Variants in ANKRD36C observed in about 807,000 individuals in gnomAD.
ANKRD36C encodes the protein ankyrin repeat domain-containing protein 36C.
ANKRD36C carries 61 observed loss-of-function variants against 276.4 expected under a neutral mutation model. That is an observed-to-expected ratio of 0.22 (90% CI 0.18 to 0.27). ANKRD36C has a LOEUF of 0.27. Among genes scored for constraint, ANKRD36C ranks in the 10% least tolerant of loss-of-function variants. The pLI is 1.00. For synonymous variants in ANKRD36C, 483 were observed against 680.1 expected (o/e 0.71, Z 4.51); for missense variants, 1,447 against 2,032.3 (o/e 0.71, Z 5.54).
intron 6 of ANKRD36C, among the ~76,000 whole-genome samples, chr2:95,974,904 T>C (rs1163541729): frequency 2.0e-5 from 3 of 149,992 alleles, no homozygotes; most frequent in East Asian, 2.0e-4. Flanking sequence ...ACATGTGGTG[T>C]TTGGTTTTTT....
chr2:95,979,944 A>G (rs1336301115), intron 5 of ANKRD36C, among the ~76,000 whole-genome samples: 2 of 152,036 alleles, frequency 1.3e-5, no homozygotes, highest in Non-Finnish European at 2.9e-5. Context: ...TGTTTTGGAA[A>G]CAATGGCTGA....
intron 12 of ANKRD36C, among the ~76,000 whole-genome samples, chr2:95,958,064 T>C (rs1473858084): frequency 6.6e-6 from 1 of 152,264 alleles, no homozygotes; most frequent in East Asian, 1.9e-4. Flanking sequence ...TCCCTCAGGT[T>C]TCCTCAGCAG....
At chr2:95,941,587 T>A (rs187081387) in intron 19 of ANKRD36C, among the ~76,000 whole-genome samples, 1 of 152,342 alleles carries the variant, frequency 6.6e-6, no homozygotes, top group African/African-American at 2.4e-5. Context: ...TGAAACAGCA[T>A]AGCCAATAAG....
intron 50 of ANKRD36C, 89 bp downstream of exon 70, chr2:95,887,836 T>A: frequency 6.7e-7 from 1 of 1,481,644 alleles, no homozygotes; most frequent in South Asian, 1.2e-5. Flanking sequence ...ATGTGCAGTT[T>A]TGATGAGCCC....
intron 62 of ANKRD36C, among the ~76,000 whole-genome samples, chr2:95,857,074 A>G (rs1043145784): frequency 1.3e-5 from 2 of 152,154 alleles, no homozygotes; most frequent in African/African-American, 2.4e-5. Context: ...AATACTAACA[A>G]TATCATTAAG....
At position 95,858,561 on chromosome 2, in the gene ANKRD36C, G is replaced by C. The variant is rs1045272787; in HGVS notation, c.3897-1069C>G. 1.0e-3 allele frequency among the ~76,000 whole-genome samples: 159 copies of C among 152,188 alleles called. 1 individual carries two copies. The highest frequency in any genetic ancestry group is 1.8e-3 in the Non-Finnish European group (122 of 67,998). ...TCACACAGTAATTACTCCTCAATTA[G>C]GATGAATCATTTAGAGTTAATTAAC... is the stretch of plus-strand genomic sequence containing the variant. On this transcript the variant is annotated intron_variant, in intron 61 of 66. Transcript: ENST00000456556.
At position 95,893,692 on chromosome 2, in the gene ANKRD36C, T is replaced by C; in HGVS notation, c.2756-1832A>G. On this transcript the variant is annotated intron_variant, in intron 44 of 66. Transcript: ENST00000456556. ...GTTCACAATATAAATGAGAGTTTCA[T>C]TACCTTCAAGGCTGGTGGTTTCTGA... 6.2e-7 allele frequency: 1 copy of C among 1,605,278 alleles called. No homozygotes were observed. Among genetic ancestry groups the C allele is most frequent in the Non-Finnish European group, 8.5e-7 (1 of 1,176,832 alleles).
At chr2:95,893,090 T>C (rs1558629986) in intron 44 of ANKRD36C, among the ~76,000 whole-genome samples, 1 of 151,320 alleles carries the variant, frequency 6.6e-6, no homozygotes, top group Non-Finnish European at 1.5e-5. Flanking sequence ...CCGTCATCCT[T>C]GGGAAAATGA....
downstream of ANKRD36C, among the ~76,000 whole-genome samples, chr2:95,849,635 A>G (rs939504207): frequency 1.3e-5 from 2 of 152,226 alleles, no homozygotes; most frequent in African/African-American, 2.4e-5. Flanking sequence ...TGGAGAATCA[A>G]TGGGAGTCCT....
intron 44 of ANKRD36C, among the ~76,000 whole-genome samples, chr2:95,892,425 T>C (rs1676396516): frequency 6.6e-6 from 1 of 151,564 alleles, no homozygotes. Context: ...GTAGATAATA[T>C]TCATTATCTC....
At chr2:95,882,981 G>T (rs568633009) in intron 54 of ANKRD36C, among the ~76,000 whole-genome samples, 22 of 152,224 alleles carry the variant, frequency 1.4e-4, no homozygotes, top group Non-Finnish European at 5.9e-5. Flanking sequence ...CACTTTAGTA[G>T]AATGTACACT....
At chr2:95,857,488 C>A (rs1675444704) in exon 62 of ANKRD36C, 2 of 1,531,556 alleles carry the variant, frequency 1.3e-6, no homozygotes, top group African/African-American at 2.7e-5. Context: ...TGCTGTATGG[C>A]AAATCTGTAA....
At chr2:95,874,094 C>T (rs1206798276) in intron 59 of ANKRD36C, among the ~76,000 whole-genome samples, 1 of 151,944 alleles carries the variant, frequency 6.6e-6, no homozygotes, top group Non-Finnish European at 1.5e-5. Context: ...GTTAAAATGG[C>T]CATACTGCCC....
At chr2:95,882,680 C>A (rs944904288) in intron 54 of ANKRD36C, among the ~76,000 whole-genome samples, 183 bp from the exon 75 acceptor site, 1 of 152,046 alleles carries the variant, frequency 6.6e-6, no homozygotes, top group Non-Finnish European at 1.5e-5. Flanking sequence ...TAGGAATACA[C>A]GCTTCCAGAA....
chr2:95,961,377 C>T (rs561802024), intron 8 of ANKRD36C, among the ~76,000 whole-genome samples: 81 of 152,110 alleles, frequency 5.3e-4, no homozygotes, highest in African/African-American at 1.9e-3. Flanking sequence ...AATAAACCAT[C>T]AAATTTAGCA....
At chr2:95,875,519 G>T (rs1449291508) in intron 59 of ANKRD36C, among the ~76,000 whole-genome samples, 1 of 126,070 alleles carries the variant, frequency 7.9e-6, no homozygotes, top group Non-Finnish European at 1.6e-5. Flanking sequence ...ATCACACTCT[G>T]GGGACTGTTG....
chr2:95,908,271 C>A (rs1676803004), intron 42 of ANKRD36C, among the ~76,000 whole-genome samples: 1 of 150,408 alleles, frequency 6.6e-6, no homozygotes, highest in Admixed American at 6.6e-5. Context: ...GAACTGCTCT[C>A]CATATTTCTT....
At chr2:95,959,634 T>C (rs1383183306) in intron 10 of ANKRD36C, among the ~76,000 whole-genome samples, 1 of 151,604 alleles carries the variant, frequency 6.6e-6, no homozygotes, top group Non-Finnish European at 1.5e-5. Context: ...TATTTTTCTT[T>C]CTAAAATAGT....
chr2:95,953,317 C>T (rs1404894832), intron 14 of ANKRD36C, among the ~76,000 whole-genome samples: 2 of 152,092 alleles, frequency 1.3e-5, no homozygotes, highest in African/African-American at 4.8e-5. Flanking sequence ...ATTCTCCTGA[C>T]TTGATCTCTT....
Sources: allele counts gnomAD v4.1 joint callset (sites outside exome capture counted in the v4.1 genomes callset), GRCh38; gene constraint gnomAD v4.1.1; transcripts MANE v1.5; gene names NCBI Gene and HGNC (gene_info 2026-07-23, HGNC 2026-07-21).